The following WWOX variants were observed in gnomAD, a reference collection of about 807,000 sequenced individuals.
The protein encoded by WWOX is WW domain containing oxidoreductase.
WWOX carries 69 observed loss-of-function variants against 46.2 expected under a neutral mutation model. The ratio of observed to expected loss-of-function variants is 1.49; its 90% confidence interval spans 1.23 to 1.82. The LOEUF is 1.82. Among genes scored for constraint, WWOX ranks in the 40% most tolerant of loss-of-function variants. The probability of loss-of-function intolerance (pLI) is 0.00; values close to 1 mark genes in which losing one functional copy is unlikely to be tolerated. For missense variants in WWOX, 919 were observed against 542.6 expected (o/e 1.69, Z -6.89); for synonymous variants, 359 against 202.6 (o/e 1.77, Z -6.56).
intron 8 of WWOX, chr16:78,534,625 C>T (rs1259416858): frequency 6.6e-6 from 1 of 152,160 alleles, no homozygotes; most frequent in Non-Finnish European, 1.5e-5. Flanking sequence ...GTTCATTGTC[C>T]CCCACCTTAT....
intron 8 of WWOX, among the ~76,000 whole-genome samples, chr16:78,599,019 C>G (rs1179973974): frequency 1.3e-5 from 2 of 152,112 alleles, no homozygotes; most frequent in African/African-American, 4.8e-5. Flanking sequence ...ACTGGTTGGA[C>G]CCCTAAGTTT....
chr16:78,435,283 C>G (rs903338069), intron 8 of WWOX, among the ~76,000 whole-genome samples: 10 of 152,106 alleles, frequency 6.6e-5, no homozygotes, highest in Non-Finnish European at 1.5e-4. Flanking sequence ...AGCAGATGCC[C>G]AACCTCCATG....
chr16:79,194,882 T>C (rs757816870), intron 8 of WWOX, among the ~76,000 whole-genome samples: 28 of 152,236 alleles, frequency 1.8e-4, no homozygotes, highest in Middle Eastern at 3.4e-3. Flanking sequence ...TCTATGCTTT[T>C]TTCCCCCATG....
At chr16:79,113,769 G>T (rs1162918071) in intron 8 of WWOX, among the ~76,000 whole-genome samples, 1 of 152,200 alleles carries the variant, frequency 6.6e-6, no homozygotes, top group African/African-American at 2.4e-5. Flanking sequence ...GGAAGAGGGA[G>T]GGTTAAGGAG....
chr16:78,566,345 T>C (rs1030248544), intron 8 of WWOX, among the ~76,000 whole-genome samples: 2 of 152,198 alleles, frequency 1.3e-5, no homozygotes, highest in Non-Finnish European at 2.9e-5. Context: ...CTTACCTCTC[T>C]ACTAAGTGAT....
intron 8 of WWOX, among the ~76,000 whole-genome samples, chr16:78,823,408 C>G (rs2051559576): frequency 6.6e-6 from 1 of 152,168 alleles, no homozygotes; most frequent in Non-Finnish European, 1.5e-5. Flanking sequence ...GAGGCAGGTG[C>G]TTCCTAAAGC....
At chr16:79,209,392 G>C (rs1405354406) in intron 8 of WWOX, among the ~76,000 whole-genome samples, 2 of 152,210 alleles carry the variant, frequency 1.3e-5, no homozygotes, top group East Asian at 3.8e-4. Context: ...AGGTTAGGAA[G>C]AATTCTGCTT....
chr16:79,163,323 G>A (rs2050523722), intron 8 of WWOX, among the ~76,000 whole-genome samples: 3 of 152,202 alleles, frequency 2.0e-5, no homozygotes. Flanking sequence ...GTGGAGCTAT[G>A]TACTAACTGG....
chr16:78,473,599 T>C (rs1389360102), intron 8 of WWOX, among the ~76,000 whole-genome samples: 1 of 152,180 alleles, frequency 6.6e-6, no homozygotes, highest in Admixed American at 6.5e-5. Context: ...GAGATTGTTG[T>C]CCCTCCTTTC....
intron 8 of WWOX, among the ~76,000 whole-genome samples, chr16:79,131,746 A>G (rs2049882939): frequency 6.6e-6 from 1 of 152,180 alleles, no homozygotes; most frequent in African/African-American, 2.4e-5. Context: ...TACTCCTTGT[A>G]TTAGTCCATT....
intron 6 of WWOX, among the ~76,000 whole-genome samples, chr16:78,403,335 A>G (rs913995123): frequency 1.3e-5 from 2 of 152,248 alleles, no homozygotes; most frequent in Admixed American, 6.5e-5. Context: ...TGAAATCGTC[A>G]TCTGGTACTT....
At chr16:78,859,030 ATATATATATATATATATATG>A (rs1249475715) in intron 8 of WWOX, among the ~76,000 whole-genome samples, 3,245 of 30,666 alleles carry the variant, frequency 0.11, 90 homozygotes, top group Non-Finnish European at 0.13. Flanking sequence ...AAAAAAAAAT[ATATATATATATATATATATG>A]TATATATATA....
intron 1 of WWOX, among the ~76,000 whole-genome samples, chr16:78,103,261 T>TTTTAA (rs1291912719): frequency 4.0e-5 from 6 of 150,800 alleles, no homozygotes; most frequent in African/African-American, 1.5e-4. Flanking sequence ...TTTTTTTTTT[T>TTTTAA]TTTAATTTAA....
chr16:78,205,758 T>C (rs1241622736), intron 5 of WWOX, among the ~76,000 whole-genome samples: 2 of 152,042 alleles, frequency 1.3e-5, no homozygotes, highest in Non-Finnish European at 2.9e-5. Context: ...CATCTATTCA[T>C]CTACCCACCC....
At position 78,518,849 on chromosome 16, in the gene WWOX, A is replaced by G. The variant is rs576304245; in HGVS notation, c.1056+86097A>G. On this transcript the variant is annotated intron_variant, in intron 8 of 8. Transcript: ENST00000566780. ...TGCCTGTGATTTCACTGTGCATAAA[A>G]TGACCTTTCAGCCCTTAACCTGCGA... Among the ~76,000 whole-genome samples the G allele has an allele frequency of 3.9e-5, 6 of 152,298 alleles. No homozygotes were observed. The East Asian group carries it at 5.8e-4, about 15-fold the overall frequency.
chr16:78,239,722 G>C (rs889247527), intron 5 of WWOX, among the ~76,000 whole-genome samples: 1 of 151,896 alleles, frequency 6.6e-6, no homozygotes, highest in Non-Finnish European at 1.5e-5. Context: ...TTTTAGTAGA[G>C]ATAGGGTTTC....
intron 8 of WWOX, among the ~76,000 whole-genome samples, chr16:79,062,184 C>G (rs73570880): frequency 6.6e-6 from 1 of 152,112 alleles, no homozygotes; most frequent in African/African-American, 2.4e-5. Context: ...GTTGGGGAGA[C>G]TGGGGAGAGG....
chr16:78,508,733 A>T (rs970847248), intron 8 of WWOX, among the ~76,000 whole-genome samples: 1 of 152,188 alleles, frequency 6.6e-6, no homozygotes, highest in Non-Finnish European at 1.5e-5. Flanking sequence ...GCAGAGCGTG[A>T]ATGCCGGGAT....
At chr16:78,150,160 A>C (rs958522403) in intron 4 of WWOX, among the ~76,000 whole-genome samples, 1 of 152,150 alleles carries the variant, frequency 6.6e-6, no homozygotes, top group Non-Finnish European at 1.5e-5. Flanking sequence ...AGGCTTGATA[A>C]TTTGCTATAA....
Sources: allele counts gnomAD v4.1 joint callset (sites outside exome capture counted in the v4.1 genomes callset), GRCh38; gene constraint gnomAD v4.1.1; transcripts MANE v1.5; gene names NCBI Gene and HGNC (gene_info 2026-07-23, HGNC 2026-07-21).